CPXM2: variants seen among roughly 807,000 people sequenced by gnomAD.
CPXM2 encodes the protein carboxypeptidase X, M14 family member 2.
In CPXM2, 66 loss-of-function variants were observed where a neutral mutation model predicts 86.1. That is an observed-to-expected ratio of 0.77 (90% CI 0.63 to 0.94). The LOEUF is 0.94. Among genes scored for constraint, CPXM2 ranks in the 40% least tolerant of loss-of-function variants. CPXM2 has a pLI of 0.00. For synonymous variants in CPXM2, 388 were observed against 400.2 expected, an observed-to-expected ratio of 0.97 and a Z score of 0.36; for missense variants, 948 against 1,026.3, an observed-to-expected ratio of 0.92 and a Z score of 1.04.
chr10:123,814,583 G>A (rs1353868686), intron 4 of CPXM2, among the ~76,000 whole-genome samples: 1 of 152,142 alleles, frequency 6.6e-6, no homozygotes, highest in African/African-American at 2.4e-5. Flanking sequence ...GGTTCTAGAG[G>A]AGCAGAATAT....
rs1848956933 is a variant in CPXM2, at chr10:123,865,573, C to T, written c.404-2850G>A. Among the ~76,000 whole-genome samples, 1 of 152,184 alleles carries T rather than the reference C, an allele frequency of 6.6e-6. No homozygotes were observed. Among genetic ancestry groups the T allele is most frequent in the African/African-American group, 2.4e-5 (1 of 41,452 alleles). ...ATGACACTGTCCACCTCCTATCACACCTCTGAGTTTCCACTCAACCTCACG... is the reference window on the plus strand; with the variant it reads ...ATGACACTGTCCACCTCCTATCACATCTCTGAGTTTCCACTCAACCTCACG... On this transcript the variant is annotated intron_variant, in intron 2 of 13. Coordinates refer to ENST00000241305, the MANE Select transcript of CPXM2 (RefSeq NM_198148.3). This position sits in a 1 kb window ranked among gnomAD's most constrained non-coding sequence, Gnocchi z 4.7.
intron 2 of CPXM2, among the ~76,000 whole-genome samples, chr10:123,911,891 G>A (rs765932586): frequency 5.9e-5 from 9 of 152,178 alleles, no homozygotes; most frequent in Middle Eastern, 3.4e-3. Context: ...TGCCTCCTCC[G>A]AAGAAAGAAT....
Position 123,891,319 on chromosome 10 carries a change from C to G in CPXM2, c.304+37G>C. ...TCCCCTGGAGGCGCGCAACCACCGG[C>G]GCCCCCTCGGGCTGCCCAGCGCAGA... On this transcript the variant is annotated intron_variant, in intron 1 of 13. Coordinates refer to ENST00000241305, the MANE Select transcript of CPXM2 (RefSeq NM_198148.3). The surrounding 1 kb of genome is among the most constrained non-coding windows in gnomAD (Gnocchi z 5.6). 1 of 1,442,418 alleles carries G rather than the reference C, an allele frequency of 6.9e-7. No individual in the cohort carries two copies. Among genetic ancestry groups the G allele is most frequent in the Non-Finnish European group, 9.2e-7 (1 of 1,091,554 alleles). The allele number at this position is 1,442,418 out of a possible 1,614,324, so 89.4% of individuals were successfully genotyped here.
chr10:123,799,134 T>G lies in CPXM2; in HGVS notation c.719A>C (p.Lys240Thr). ...SNDSHTWVTV[K>T]NGSGDMIFEG... ...ACTCACCATGTCTCCAGATCCATTC[T>G]TAACAGTGACCCACGTGTGGCTGTC... The change falls in exon 5 of 14, where the codon AAG (lysine) becomes ACG (threonine). Residue 240 changes from lysine to threonine, a missense_variant. By Grantham distance (78) the Lys-to-Thr change is moderately conservative (BLOSUM62 -1). Transcript: ENST00000241305. 6.2e-7 allele frequency: 1 copy of G among 1,614,158 alleles called. No individual in the cohort carries two copies. Among genetic ancestry groups the G allele is most frequent in the Non-Finnish European group, 8.5e-7 (1 of 1,180,026 alleles).
chr10:123,873,544 C>T (rs535659612), intron 2 of CPXM2, among the ~76,000 whole-genome samples: 2 of 152,226 alleles, frequency 1.3e-5, no homozygotes, highest in Admixed American at 1.3e-4. Flanking sequence ...TGTGTGTTTA[C>T]AAGTACACAC....
At chr10:123,824,325 AT>A (rs1847999024) in intron 4 of CPXM2, among the ~76,000 whole-genome samples, 2 of 152,228 alleles carry the variant, frequency 1.3e-5, no homozygotes, top group African/African-American at 4.8e-5. Context: ...TCAGAATGTT[AT>A]TAGAAAAGAA....
intron 2 of CPXM2, among the ~76,000 whole-genome samples, chr10:123,904,151 A>C (rs1044417122): frequency 6.6e-6 from 1 of 152,188 alleles, no homozygotes; most frequent in Admixed American, 6.5e-5. Flanking sequence ...TATCTTTTCT[A>C]TATCAGCTTA....
upstream of CPXM2, chr10:123,940,334 C>T (rs937037804): frequency 3.9e-5 from 6 of 152,310 alleles, no homozygotes; most frequent in African/African-American, 1.4e-4. Context: ...GTACATGGGA[C>T]ATCTGTGTCC....
intron 13 of CPXM2, among the ~76,000 whole-genome samples, chr10:123,749,453 C>CT (rs1846028879): frequency 6.6e-6 from 1 of 152,242 alleles, no homozygotes; most frequent in Admixed American, 6.5e-5. Context: ...TCCCTGCCCC[C>CT]TCCCTAGTCC....
At chr10:123,843,262 T>G (rs1466476197) in intron 3 of CPXM2, 2 of 455,614 alleles carry the variant, frequency 4.4e-6, no homozygotes, top group Non-Finnish European at 8.8e-6. Flanking sequence ...CCAAAATTCT[T>G]TTGATCTGAA....
At chr10:123,933,747 T>TA (rs376408688) in intron 2 of CPXM2, among the ~76,000 whole-genome samples, 7,977 of 137,520 alleles carry the variant, frequency 0.058, 340 homozygotes, top group African/African-American at 0.13. Flanking sequence ...AAAACAAAAC[T>TA]AAAAAAAAAA....
chr10:123,847,224 T>C (rs942951353), intron 3 of CPXM2, among the ~76,000 whole-genome samples: 11 of 152,182 alleles, frequency 7.2e-5, no homozygotes, highest in Admixed American at 7.2e-4. Flanking sequence ...GTGCATATTA[T>C]TTAGAAGTGA....
chr10:123,880,145 T>TTGGGGGGCCCCC, intron 2 of CPXM2, 66 bp downstream of exon 2: 5 of 407,576 alleles, frequency 1.2e-5, no homozygotes, highest in East Asian at 4.9e-5. Context: ...CAGGGGCCTG[T>TTGGGGGGCCCCC]ACCCACCCAC....
chr10:123,772,477 C>T, intron 7 of CPXM2, among the ~76,000 whole-genome samples: 1 of 152,036 alleles, frequency 6.6e-6, no homozygotes, highest in Admixed American at 6.5e-5. Context: ...TCATGGTTAT[C>T]ACTCCCCTGG....
chr10:123,891,648 C>A lies in CPXM2; in HGVS notation c.12G>T (p.Pro4=), dbSNP rs773715757. ...GGGCCAGCGCTGGGGTAGCGGTCCC[C>A]GGGCGGGACATGCCTGCTCCGCCCC... is the stretch of plus-strand genomic sequence containing the variant. MSR[P]GTATPALALV... The change falls in exon 1 of 14, where the codon CCG becomes CCT. Residue 4 remains proline (P), a synonymous_variant. Coordinates refer to ENST00000241305, the MANE Select transcript of CPXM2 (RefSeq NM_198148.3). The surrounding 1 kb of genome is among the most constrained non-coding windows in gnomAD (Gnocchi z 5.6). The A allele has an allele frequency of 1.5e-4, 218 of 1,443,324 alleles. 1 individual carries two copies. The highest frequency in any genetic ancestry group is 8.3e-5 in the Non-Finnish European group (91 of 1,098,152). The allele number at this position is 1,443,324 out of a possible 1,614,324, so 89.4% of individuals were successfully genotyped here.
At chr10:123,760,078 C>A (rs957373745) in intron 11 of CPXM2, among the ~76,000 whole-genome samples, 1 of 152,164 alleles carries the variant, frequency 6.6e-6, no homozygotes, top group Non-Finnish European at 1.5e-5. Flanking sequence ...ATTAAAAAGG[C>A]TCAAGCTACC....
At chr10:123,819,044 T>C (rs145506783) in intron 4 of CPXM2, among the ~76,000 whole-genome samples, 2 of 151,938 alleles carry the variant, frequency 1.3e-5, no homozygotes, top group East Asian at 3.9e-4. Context: ...GACACAACAA[T>C]TCCATTAAAC....
At chr10:123,936,082 T>TTAC (rs202080292) in intron 2 of CPXM2, among the ~76,000 whole-genome samples, 3 of 143,992 alleles carry the variant, frequency 2.1e-5, no homozygotes, top group African/African-American at 2.6e-5. Flanking sequence ...ATCTTTACCA[T>TTAC]CACCACCACC....
At chr10:123,750,229 G>T in intron 13 of CPXM2, 1 of 985,378 alleles carries the variant, frequency 1.0e-6, no homozygotes, top group Non-Finnish European at 1.2e-6. Flanking sequence ...AAATAGACAA[G>T]CAGGTGGAGA....
Sources: allele counts gnomAD v4.1 joint callset (sites outside exome capture counted in the v4.1 genomes callset), GRCh38; gene constraint gnomAD v4.1.1; non-coding constraint Gnocchi (gnomAD v3.1); transcripts MANE v1.5; gene names NCBI Gene and HGNC (gene_info 2026-07-23, HGNC 2026-07-21).